Variants in SCMH1 observed in about 807,000 individuals in gnomAD.
SCMH1 encodes the protein Scm polycomb group protein homolog 1.
In SCMH1, 37 loss-of-function variants were observed where a neutral mutation model predicts 70.8. The ratio of observed to expected loss-of-function variants is 0.52; its 90% confidence interval spans 0.40 to 0.69. SCMH1 has a LOEUF of 0.69. Among genes scored for constraint, SCMH1 ranks in the 30% least tolerant of loss-of-function variants. SCMH1 has a pLI of 0.00. For missense variants in SCMH1, 607 were observed against 827.3 expected (o/e 0.73, Z 3.27); for synonymous variants, 292 against 307.4 (o/e 0.95, Z 0.52).
intron 2 of SCMH1, among the ~76,000 whole-genome samples, chr1:41,173,194 C>G (rs1052395769): frequency 6.6e-6 from 1 of 151,292 alleles, no homozygotes; most frequent in African/African-American, 2.4e-5. Flanking sequence ...GCTATTAATC[C>G]AATAAGGGAT....
intron 5 of SCMH1, among the ~76,000 whole-genome samples, chr1:41,143,771 A>G (rs1424404030): frequency 4.6e-5 from 7 of 152,198 alleles, no homozygotes; most frequent in Admixed American, 2.0e-4. Flanking sequence ...CTCTGCACCC[A>G]GGCAACCAAT....
chr1:41,237,848 C>T (rs746212212), intron 1 of SCMH1, among the ~76,000 whole-genome samples: 2 of 152,136 alleles, frequency 1.3e-5, no homozygotes, highest in African/African-American at 2.4e-5. Flanking sequence ...AGAGTACTCA[C>T]TATGTTCTAT....
chr1:41,242,209 G>A (rs969643035), upstream of SCMH1: 2 of 145,612 alleles, frequency 1.4e-5, no homozygotes, highest in African/African-American at 5.0e-5. This position sits in a 1 kb window ranked among gnomAD's most constrained non-coding sequence, Gnocchi z 5.2. Flanking sequence ...CGAGCTGGCG[G>A]TGGCGGCTGA....
At chr1:41,077,705 G>T (rs899932566) in intron 8 of SCMH1, among the ~76,000 whole-genome samples, 8 of 152,130 alleles carry the variant, frequency 5.3e-5, no homozygotes, top group Admixed American at 3.9e-4. Flanking sequence ...TAAACCATAG[G>T]CACAATCCAG....
chr1:41,193,475 A>G (rs1425490745), intron 1 of SCMH1, among the ~76,000 whole-genome samples: 1 of 152,164 alleles, frequency 6.6e-6, no homozygotes, highest in African/African-American at 2.4e-5. Flanking sequence ...GATTTGCTAT[A>G]AAAAGTGCTC....
chr1:41,033,784 T>G (rs531266488), intron 13 of SCMH1, among the ~76,000 whole-genome samples, 199 bp downstream of exon 14: 13 of 152,330 alleles, frequency 8.5e-5, no homozygotes, highest in Middle Eastern at 3.4e-3. Context: ...CATAGCCTTA[T>G]GAAGACCATC....
intron 2 of SCMH1, among the ~76,000 whole-genome samples, chr1:41,177,973 A>C (rs1307570125): frequency 6.6e-6 from 1 of 152,202 alleles, no homozygotes; most frequent in Non-Finnish European, 1.5e-5. Context: ...AAAAATTGTT[A>C]ATGGCAGCCA....
intron 6 of SCMH1, among the ~76,000 whole-genome samples, chr1:41,141,561 T>C (rs1030888456): frequency 3.3e-5 from 5 of 152,158 alleles, no homozygotes; most frequent in Admixed American, 2.0e-4. Context: ...CAGAATCTGA[T>C]CAAGTCTCTA....
chr1:41,227,481 G>T (rs1660497314), intron 1 of SCMH1, among the ~76,000 whole-genome samples: 1 of 152,198 alleles, frequency 6.6e-6, no homozygotes, highest in Non-Finnish European at 1.5e-5. Flanking sequence ...CATGCTGAGT[G>T]ATATAAGCCA....
Position 41,087,392 on chromosome 1 carries a change from G to T in SCMH1, c.746-11941C>A, listed in dbSNP as rs145127504. On this transcript the variant is annotated intron_variant, in intron 8 of 14. Coordinates refer to ENST00000337495, the Ensembl canonical transcript of SCMH1. ...ACCATAAGCAAAGTACAAATTGGGA[G>T]AAAATATTTACGATATATGTTACAA... Among the ~76,000 whole-genome samples the T allele has an allele frequency of 8.6e-3, 1,301 of 151,534 alleles. 8 individuals carry two copies. The highest frequency in any genetic ancestry group is 0.012 in the Non-Finnish European group (835 of 67,896).
At chr1:41,044,054 T>A (rs1388938696) in intron 12 of SCMH1, among the ~76,000 whole-genome samples, 2 of 152,148 alleles carry the variant, frequency 1.3e-5, no homozygotes, top group Non-Finnish European at 2.9e-5. Context: ...AAATAAAACA[T>A]TGGAGAAAAA....
At chr1:41,210,263 C>A (rs28786812) in intron 1 of SCMH1, among the ~76,000 whole-genome samples, 2 of 129,238 alleles carry the variant, frequency 1.5e-5, no homozygotes, top group Non-Finnish European at 3.6e-5. Flanking sequence ...GAATCAATAT[C>A]GTGAAAATGG....
chr1:41,186,636 C>T (rs1030263370), intron 1 of SCMH1, among the ~76,000 whole-genome samples: 4 of 152,130 alleles, frequency 2.6e-5, no homozygotes, highest in South Asian at 2.1e-4. Context: ...AATGTGACTA[C>T]ATTTGGAGAC....
intron 6 of SCMH1, among the ~76,000 whole-genome samples, chr1:41,140,456 C>A (rs1344806666): frequency 6.6e-6 from 1 of 152,124 alleles, no homozygotes; most frequent in East Asian, 1.9e-4. Context: ...CAACACCCAG[C>A]TAATTTTTGT....
intron 1 of SCMH1, among the ~76,000 whole-genome samples, chr1:41,207,018 C>T (rs1392306498): frequency 6.6e-6 from 1 of 152,198 alleles, no homozygotes; most frequent in Non-Finnish European, 1.5e-5. Flanking sequence ...CCAGGCCTGC[C>T]TTACAAGAGT....
exon 13 of SCMH1, chr1:41,037,376 C>T: frequency 6.2e-7 from 1 of 1,614,136 alleles, no homozygotes; most frequent in Non-Finnish European, 8.5e-7. Context: ...GGAGCATAGC[C>T]TGCGCACAGC....
intron 4 of SCMH1, among the ~76,000 whole-genome samples, chr1:41,157,857 A>G (rs1413767849): frequency 1.3e-5 from 2 of 152,202 alleles, no homozygotes; most frequent in Non-Finnish European, 2.9e-5. Flanking sequence ...TATCACCATA[A>G]TTATTTATGT....
intron 6 of SCMH1, among the ~76,000 whole-genome samples, chr1:41,125,578 A>AT (rs945431831): frequency 8.4e-4 from 119 of 142,372 alleles, no homozygotes; most frequent in Middle Eastern, 3.7e-3. Flanking sequence ...TCCAACTTTA[A>AT]TTTTTTTTTT....
rs1470490788 is a variant in SCMH1 at position 41,113,676 on chromosome 1, A to C, written c.502-150T>G. The C allele has an allele frequency of 7.1e-6, 5 of 709,190 alleles. No homozygotes were observed. Among genetic ancestry groups the C allele is most frequent in the Non-Finnish European group, 1.0e-5 (5 of 498,840 alleles). The allele number at this position is 709,190 out of a possible 1,614,324, so 43.9% of individuals were successfully genotyped here. Reference sequence around the variant, plus strand: ...TTTCTTTTAAATTAATTTTAAATTCAATATTTCAATATTTAAAGTATTACT... The same window carrying C: ...TTTCTTTTAAATTAATTTTAAATTCCATATTTCAATATTTAAAGTATTACT... On this transcript the variant is annotated intron_variant, in intron 7 of 14. Transcript: ENST00000337495. This position sits in a 1 kb window ranked among gnomAD's most constrained non-coding sequence, Gnocchi z 4.3.
Sources: allele counts gnomAD v4.1 joint callset (sites outside exome capture counted in the v4.1 genomes callset), GRCh38; gene constraint gnomAD v4.1.1; non-coding constraint Gnocchi (gnomAD v3.1); transcripts MANE v1.5; gene names NCBI Gene and HGNC (gene_info 2026-07-23, HGNC 2026-07-21).